Variants in ZNF407 observed in about 807,000 individuals in gnomAD.
ZNF407 encodes zinc finger protein 407.
ZNF407 carries 17 observed loss-of-function variants against 131.2 expected under a neutral mutation model. The ratio of observed to expected loss-of-function variants is 0.13; its 90% confidence interval spans 0.09 to 0.19. ZNF407 has a LOEUF of 0.19. Ranked by LOEUF, ZNF407 falls within the 10% of genes least tolerant of loss-of-function variation. The pLI, the probability that ZNF407 is intolerant of heterozygous loss-of-function variation, is 1.00. For missense variants in ZNF407, 2,681 were observed against 2,830.6 expected, an observed-to-expected ratio of 0.95 and a Z score of 1.20; for synonymous variants, 1,156 against 1,062.0, an observed-to-expected ratio of 1.09 and a Z score of -1.72.
At position 74,920,596 on chromosome 18, in the gene ZNF407, T is replaced by G; in HGVS notation, c.5332T>G (p.Cys1778Gly). 1 of 1,609,884 alleles carries G rather than the reference T, an allele frequency of 6.2e-7. No individual in the cohort carries two copies. The highest frequency in any genetic ancestry group is 8.5e-7 in the Non-Finnish European group (1 of 1,176,820). Residue 1778 changes from cysteine to glycine, a missense_variant, in exon 8 of 9, where the codon TGT becomes GGT. This residue lies in a region of ZNF407 where 39 missense variants were observed against 91.8 expected (regional missense o/e 0.42). Transcript: ENST00000299687. ...EGVKMYNCPK[C>G]DYGTNVPVEF... ...AGTCAAGATGTACAACTGTCCCAAG[T>G]GTGACTACGGGACCAACGTCCCGGT...
At position 74,634,390 on chromosome 18, in the gene ZNF407, C is replaced by G; in HGVS notation, c.3371C>G (p.Ala1124Gly). 1 of 1,613,656 alleles carries G rather than the reference C, an allele frequency of 6.2e-7. No homozygotes were observed. The highest frequency in any genetic ancestry group is 8.5e-7 in the Non-Finnish European group (1 of 1,179,844). The change falls in exon 2 of 9, where the codon GCT (alanine) becomes GGT (glycine). Residue 1124 changes from alanine to glycine, a missense_variant. By Grantham distance (60) the Ala-to-Gly change is moderately conservative. This residue lies in a region of ZNF407 where 1,789 missense variants were observed against 1,748.7 expected (regional missense o/e 1.02). Coordinates refer to ENST00000299687, the MANE Select transcript of ZNF407 (RefSeq NM_017757.3). ...QPSDTLKSRNAADCSILNENT... is the reference protein window; with the variant it reads ...QPSDTLKSRNGADCSILNENT... ...TCTGATACTCTTAAATCTAGAAATG[C>G]TGCAGATTGCTCTATTTTAAATGAG...
At chr18:74,940,008 A>G (rs1051048500) in intron 8 of ZNF407, among the ~76,000 whole-genome samples, 4 of 152,206 alleles carry the variant, frequency 2.6e-5, no homozygotes, top group Admixed American at 1.3e-4. Flanking sequence ...CATGGATTTC[A>G]TGAGAATTAG....
chr18:74,795,829 C>T (rs1157329367), intron 4 of ZNF407, among the ~76,000 whole-genome samples: 2 of 152,238 alleles, frequency 1.3e-5, no homozygotes, highest in Non-Finnish European at 2.9e-5. Context: ...TGCTTTGACC[C>T]TGGTATCATC....
intron 8 of ZNF407, among the ~76,000 whole-genome samples, chr18:74,993,254 T>C (rs9319674): frequency 0.21 from 32,528 of 152,192 alleles, 4,058 homozygotes; most frequent in African/African-American, 0.31. Context: ...TAAAAATAAC[T>C]CTAGTGCCCA....
At chr18:74,721,173 C>A (rs1968027633) in intron 3 of ZNF407, among the ~76,000 whole-genome samples, 1 of 152,096 alleles carries the variant, frequency 6.6e-6, no homozygotes, top group Non-Finnish European at 1.5e-5. Context: ...TCTTTCATCA[C>A]TGATTTGCAG....
rs74447823 is a variant in ZNF407, at chr18:75,059,105, C to T, written c.5429-4045C>T. On this transcript the variant is annotated intron_variant, in intron 8 of 8. Coordinates refer to ENST00000299687, the MANE Select transcript of ZNF407 (RefSeq NM_017757.3). Reference sequence around the variant, plus strand: ...TGTTGCTAGGCTTCGTCACACCCCACACCGACAGCAGTATTTACCCATTTA... The same window carrying T: ...TGTTGCTAGGCTTCGTCACACCCCATACCGACAGCAGTATTTACCCATTTA... 6.8e-3 allele frequency among the ~76,000 whole-genome samples: 1,042 copies of T among 152,306 alleles called. 29 individuals are homozygous for T. Among genetic ancestry groups the T allele is most frequent in the Admixed American group, 0.048 (741 of 15,298 alleles).
intron 8 of ZNF407, among the ~76,000 whole-genome samples, chr18:75,054,233 A>C (rs1248737800): frequency 6.6e-6 from 1 of 152,252 alleles, no homozygotes; most frequent in Non-Finnish European, 1.5e-5. Flanking sequence ...AGCTTTGCTG[A>C]TCATTAAAAT....
At chr18:74,706,610 G>T (rs543194485) in intron 3 of ZNF407, among the ~76,000 whole-genome samples, 3 of 152,302 alleles carry the variant, frequency 2.0e-5, no homozygotes, top group South Asian at 2.1e-4. Flanking sequence ...AAGTTTAGGG[G>T]TGTCAGAAAA....
chr18:75,044,702 A>G (rs900434289), intron 8 of ZNF407, among the ~76,000 whole-genome samples: 1 of 152,196 alleles, frequency 6.6e-6, no homozygotes, highest in Non-Finnish European at 1.5e-5. Context: ...TAAAATAAAT[A>G]TATTTTATTG....
intron 8 of ZNF407, among the ~76,000 whole-genome samples, chr18:74,954,523 C>T (rs138547631): frequency 1.8e-4 from 27 of 152,030 alleles, no homozygotes; most frequent in African/African-American, 6.3e-4. Flanking sequence ...TTAAGAAAGA[C>T]TGGCATTATA....
intron 4 of ZNF407, among the ~76,000 whole-genome samples, chr18:74,856,004 T>G (rs2145152898): frequency 6.6e-6 from 1 of 152,334 alleles, no homozygotes; most frequent in African/African-American, 2.4e-5. Flanking sequence ...TTCCCTTTTG[T>G]TTACAACACT....
At chr18:74,964,266 A>T (rs1229973651) in intron 8 of ZNF407, among the ~76,000 whole-genome samples, 1 of 152,208 alleles carries the variant, frequency 6.6e-6, no homozygotes, top group Admixed American at 6.5e-5. Context: ...CTTGTGAGGG[A>T]TCATGTTATA....
chr18:75,002,674 G>A (rs542125388), intron 8 of ZNF407, among the ~76,000 whole-genome samples: 56 of 152,168 alleles, frequency 3.7e-4, no homozygotes, highest in African/African-American at 1.0e-3. Flanking sequence ...GCGTGGTGAC[G>A]GGCGCCTGTA....
At chr18:74,644,177 C>CTT (rs34393480) in intron 3 of ZNF407, among the ~76,000 whole-genome samples, 35 of 118,848 alleles carry the variant, frequency 2.9e-4, no homozygotes, top group East Asian at 5.1e-4. Context: ...TTGGGGGAAT[C>CTT]TTTTTTTTTT....
intron 4 of ZNF407, among the ~76,000 whole-genome samples, chr18:74,819,688 G>T (rs1174828025): frequency 6.6e-6 from 1 of 152,222 alleles, no homozygotes; most frequent in Non-Finnish European, 1.5e-5. Flanking sequence ...GAGTCCAGCT[G>T]TGAGCCTTCT....
intron 4 of ZNF407, among the ~76,000 whole-genome samples, chr18:74,866,662 A>C (rs1365376685): frequency 6.6e-6 from 1 of 151,724 alleles, no homozygotes; most frequent in African/African-American, 2.4e-5. Context: ...GTATTACCAG[A>C]ATCAATTTTG....
intron 8 of ZNF407, among the ~76,000 whole-genome samples, chr18:74,958,294 CAAAT>C (rs1039356171): frequency 1.4e-4 from 22 of 152,236 alleles, no homozygotes; most frequent in African/African-American, 4.8e-4. Flanking sequence ...TCAGAAAACA[CAAAT>C]AAATGAATTA....
At chr18:74,642,779 C>G (rs1984783820) in intron 3 of ZNF407, among the ~76,000 whole-genome samples, 1 of 152,110 alleles carries the variant, frequency 6.6e-6, no homozygotes, top group South Asian at 2.1e-4. Flanking sequence ...GAGTTTTATA[C>G]TGTCTTCAGA....
intron 3 of ZNF407, among the ~76,000 whole-genome samples, chr18:74,707,099 C>T (rs548097141): frequency 1.2e-3 from 178 of 152,090 alleles, no homozygotes; most frequent in African/African-American, 4.0e-3. Flanking sequence ...TACAGTTATA[C>T]GATACCATGC....
Sources: allele counts gnomAD v4.1 joint callset (sites outside exome capture counted in the v4.1 genomes callset), GRCh38; gene constraint gnomAD v4.1.1; regional missense constraint gnomAD v4.1.1; transcripts MANE v1.5; gene names NCBI Gene and HGNC (gene_info 2026-07-23, HGNC 2026-07-21).